The following SRGAP1 variants were observed in gnomAD, a reference collection of about 807,000 sequenced individuals.
The protein encoded by SRGAP1 is SLIT-ROBO Rho GTPase activating protein 1, also known as SLIT-ROBO Rho GTPase-activating protein 1.
Under a neutral mutation model 121.9 loss-of-function variants are expected in SRGAP1, and 43 were observed. The ratio of observed to expected loss-of-function variants is 0.35; its 90% confidence interval spans 0.28 to 0.46. The LOEUF (loss-of-function observed/expected upper bound fraction) is 0.46, where lower values mean the gene tolerates loss of function less well. SRGAP1 is among the 20% of genes least tolerant of loss of function. SRGAP1 has a pLI of 1.00. For synonymous variants in SRGAP1, 447 were observed against 485.4 expected, an observed-to-expected ratio of 0.92 and a Z score of 1.04; for missense variants, 1,102 against 1,350.9, an observed-to-expected ratio of 0.82 and a Z score of 2.89.
rs1184872141 is a variant in SRGAP1, at chr12:64,160,565, T to C, written c.*17893T>C. On this transcript the variant is annotated 3_prime_UTR_variant, in exon 22 of 22. Transcript: ENST00000355086. ...TATATCTCATATGTCGGAAGATTAA[T>C]GTATGAATAATCAGTACCACTGGCA... The C allele has an allele frequency of 6.6e-6, 1 of 152,218 alleles. No homozygotes were observed. The highest frequency in any genetic ancestry group is 1.5e-5 in the Non-Finnish European group (1 of 68,044). 9.4% of individuals were successfully genotyped at this position (152,218 alleles called of 1,614,324 possible).
At chr12:64,020,983 G>A (rs2136472187) in intron 4 of SRGAP1, among the ~76,000 whole-genome samples, 1 of 149,624 alleles carries the variant, frequency 6.7e-6, no homozygotes, top group African/African-American at 2.5e-5. Context: ...TGACAGTGCA[G>A]GCCGGGTATG....
intron 1 of SRGAP1, among the ~76,000 whole-genome samples, chr12:63,921,649 A>C (rs900119778): frequency 2.0e-5 from 3 of 152,104 alleles, no homozygotes; most frequent in African/African-American, 7.2e-5. Context: ...TGCCACAACT[A>C]AGGATTATCT....
rs764692098 is a variant in SRGAP1 at position 64,043,023 on chromosome 12, C to G, written c.672+51C>G. 7.9e-6 allele frequency: 10 copies of G among 1,262,616 alleles called. No individual in the cohort carries two copies. In the South Asian group the frequency reaches 1.3e-4, roughly 17 times the overall value. 78.2% of individuals were successfully genotyped at this position (1,262,616 alleles called of 1,614,324 possible). A position where few individuals can be genotyped will look rare whatever the true frequency, so the allele number is the denominator to read the frequency against. On this transcript the variant is annotated intron_variant, in intron 5 of 21. Transcript: ENST00000355086. The stretch of plus-strand genomic sequence containing the variant: ...TCTGCCTTCATTTGAGGAGACAATA[C>G]TAAGAACACTGATGCAATAGCTGAT...
intron 8 of SRGAP1, among the ~76,000 whole-genome samples, chr12:64,068,027 T>C (rs2035570456): frequency 6.6e-6 from 1 of 151,836 alleles, no homozygotes; most frequent in Non-Finnish European, 1.5e-5. Flanking sequence ...ATACTTTAAA[T>C]AGTCACTTTG....
intron 1 of SRGAP1, among the ~76,000 whole-genome samples, chr12:63,871,006 G>A (rs1899833773): frequency 6.6e-6 from 1 of 152,068 alleles, no homozygotes; most frequent in Non-Finnish European, 1.5e-5. Context: ...AATTCTGGTG[G>A]AGCCACTTGA....
Position 64,082,250 on chromosome 12 carries a change from G to C in SRGAP1, c.1408+1880G>C, listed in dbSNP as rs1449333331. On this transcript the variant is annotated intron_variant, in intron 10 of 21. Transcript: ENST00000355086. ...GTTAATATGCTTGGGGCCACATTCTGAAACTTTTATGGTACCTATTCAACA... is the reference window on the plus strand; with the variant it reads ...GTTAATATGCTTGGGGCCACATTCTCAAACTTTTATGGTACCTATTCAACA... 2.0e-5 allele frequency among the ~76,000 whole-genome samples: 3 copies of C among 151,886 alleles called. No homozygotes were observed. The East Asian group carries it at 5.8e-4, about 29-fold the overall frequency.
intron 1 of SRGAP1, among the ~76,000 whole-genome samples, chr12:63,903,063 T>TTA (rs4045069): frequency 1.5e-3 from 230 of 151,158 alleles, no homozygotes; most frequent in African/African-American, 5.0e-3. Context: ...GATTAAACTA[T>TTA]TATATATATA....
At chr12:63,992,728 GAGAC>G (rs1249567684) in intron 3 of SRGAP1, among the ~76,000 whole-genome samples, 11 of 150,572 alleles carry the variant, frequency 7.3e-5, no homozygotes, top group Admixed American at 2.0e-4. Flanking sequence ...TGCAGAGAGA[GAGAC>G]AGAGAGACAG....
At chr12:63,922,087 T>C (rs1357198344) in intron 1 of SRGAP1, among the ~76,000 whole-genome samples, 1 of 151,934 alleles carries the variant, frequency 6.6e-6, no homozygotes, top group Non-Finnish European at 1.5e-5. Flanking sequence ...CCAGTGATTC[T>C]CTTGCATCAG....
chr12:64,076,685 C>T (rs1358448191), intron 8 of SRGAP1, among the ~76,000 whole-genome samples: 1 of 151,388 alleles, frequency 6.6e-6, no homozygotes. Context: ...CTCACTTTTT[C>T]GCCCAGGCTG....
chr12:63,947,981 G>T (rs1320763940), intron 1 of SRGAP1, among the ~76,000 whole-genome samples: 1 of 148,486 alleles, frequency 6.7e-6, no homozygotes, highest in African/African-American at 2.5e-5. Context: ...TTTGCTAACA[G>T]TTTTTTTTTT....
chr12:63,907,335 G>A (rs1309870191), intron 1 of SRGAP1, among the ~76,000 whole-genome samples: 1 of 152,018 alleles, frequency 6.6e-6, no homozygotes, highest in Non-Finnish European at 1.5e-5. Context: ...TCAGGAGTTC[G>A]AGACCAGCTT....
rs541092380 is a variant in SRGAP1 at position 64,033,707 on chromosome 12, G to T, written c.490-9083G>T. On this transcript the variant is annotated intron_variant, in intron 4 of 21. Transcript: ENST00000355086. ...CACTTCAGCTTGGGTTACAGAGCGAGACTCCATCTAAATGAAATAAATAAA... is the reference window on the plus strand; with the variant it reads ...CACTTCAGCTTGGGTTACAGAGCGATACTCCATCTAAATGAAATAAATAAA... 1.6e-3 allele frequency among the ~76,000 whole-genome samples: 238 copies of T among 152,056 alleles called. 1 individual carries two copies. Among genetic ancestry groups the T allele is most frequent in the African/African-American group, 5.2e-3 (217 of 41,458 alleles).
chr12:63,935,506 A>G (rs1053536988), intron 1 of SRGAP1, among the ~76,000 whole-genome samples: 12 of 152,202 alleles, frequency 7.9e-5, no homozygotes, highest in African/African-American at 2.9e-4. Context: ...TATTTAATCT[A>G]CATAGTTTGG....
At chr12:63,987,779 A>C (rs2033456372) in intron 2 of SRGAP1, among the ~76,000 whole-genome samples, 1 of 152,212 alleles carries the variant, frequency 6.6e-6, no homozygotes, top group African/African-American at 2.4e-5. Flanking sequence ...AAATGGTAGT[A>C]ATAAGGATTA....
At chr12:64,116,877 G>A (rs1393742777) in intron 18 of SRGAP1, among the ~76,000 whole-genome samples, 1 of 152,206 alleles carries the variant, frequency 6.6e-6, no homozygotes, top group Non-Finnish European at 1.5e-5. Flanking sequence ...GCTACCTGGG[G>A]AAGCATCAGG....
intron 18 of SRGAP1, among the ~76,000 whole-genome samples, chr12:64,120,679 A>T (rs2136629210): frequency 6.6e-6 from 1 of 152,032 alleles, no homozygotes; most frequent in Non-Finnish European, 1.5e-5. Context: ...GGTGGGGAGG[A>T]GGGGAAGAGG....
chr12:64,097,457 A>G, intron 15 of SRGAP1, 82 bp downstream of exon 15: 1 of 1,437,538 alleles, frequency 7.0e-7, no homozygotes, highest in South Asian at 1.3e-5. Flanking sequence ...GCCCCCCTCC[A>G]TACACCCCCA....
At chr12:64,075,231 G>T (rs931670773) in intron 8 of SRGAP1, among the ~76,000 whole-genome samples, 1 of 152,234 alleles carries the variant, frequency 6.6e-6, no homozygotes, top group Non-Finnish European at 1.5e-5. Context: ...TCCCTTATGG[G>T]AAACGAAGGG....
Sources: allele counts gnomAD v4.1 joint callset (sites outside exome capture counted in the v4.1 genomes callset), GRCh38; gene constraint gnomAD v4.1.1; transcripts MANE v1.5; gene names NCBI Gene and HGNC (gene_info 2026-07-23, HGNC 2026-07-21).